Variants in TTC6 observed in about 807,000 individuals in gnomAD.
TTC6 encodes tetratricopeptide repeat domain 6, also known as tetratricopeptide repeat protein 6.
TTC6 carries 172 observed loss-of-function variants against 210.4 expected under a neutral mutation model. The ratio of observed to expected loss-of-function variants is 0.82; its 90% confidence interval spans 0.72 to 0.93. TTC6 has a LOEUF of 0.93. Ranked by LOEUF, TTC6 falls within the 40% of genes least tolerant of loss-of-function variation. TTC6 has a pLI of 0.00. For synonymous variants in TTC6, 804 were observed against 819.6 expected, an observed-to-expected ratio of 0.98 and a Z score of 0.32; for missense variants, 2,414 against 2,318.1, an observed-to-expected ratio of 1.04 and a Z score of -0.85.
intron 14 of TTC6, among the ~76,000 whole-genome samples, chr14:37,782,365 A>G (rs571266475): frequency 6.6e-6 from 1 of 152,198 alleles, no homozygotes; most frequent in African/African-American, 2.4e-5. Context: ...TTGGATTCCT[A>G]GGTATTTTAT....
At chr14:37,793,279 T>C (rs28396435) in intron 17 of TTC6, among the ~76,000 whole-genome samples, 5,838 of 152,336 alleles carry the variant, frequency 0.038, 162 homozygotes, top group Non-Finnish European at 0.057. Flanking sequence ...TAGCTTCTAA[T>C]TGCCTTTCTA....
intron 6 of TTC6, among the ~76,000 whole-genome samples, chr14:37,718,650 G>A (rs573107824): frequency 4.7e-4 from 72 of 152,270 alleles, no homozygotes; most frequent in African/African-American, 1.7e-3. Context: ...GGAATCAGCC[G>A]GGTGCAGTGG....
chr14:37,776,043 C>CTTTGTTTT, intron 14 of TTC6, among the ~76,000 whole-genome samples: 1 of 26,270 alleles, frequency 3.8e-5, no homozygotes, highest in Non-Finnish European at 8.7e-5. Flanking sequence ...GGTCTTGATT[C>CTTTGTTTT]TTTTTTTTTT....
chr14:37,835,540 G>C (rs1566982284), intron 29 of TTC6, among the ~76,000 whole-genome samples: 1 of 152,148 alleles, frequency 6.6e-6, no homozygotes, highest in Admixed American at 6.5e-5. Context: ...AGGGAAGGCA[G>C]AGGGTTTGGG....
intron 15 of TTC6, 138 bp from the exon 18 acceptor site, chr14:37,790,579 C>T: frequency 4.3e-6 from 3 of 693,364 alleles, no homozygotes; most frequent in Non-Finnish European, 4.7e-6. Context: ...CAAACAAGTA[C>T]ACTCATCATA....
intron 14 of TTC6, among the ~76,000 whole-genome samples, chr14:37,760,102 T>A (rs187227504): frequency 6.5e-4 from 99 of 152,322 alleles, no homozygotes; most frequent in African/African-American, 2.3e-3. Context: ...AATTTTCAGC[T>A]TTTTTGCACT....
intron 7 of TTC6, among the ~76,000 whole-genome samples, chr14:37,727,900 G>T (rs956201200): frequency 7.9e-5 from 12 of 152,068 alleles, no homozygotes; most frequent in African/African-American, 2.2e-4. Context: ...ATGGATATTT[G>T]CTTTGGGTTG....
chr14:37,824,720 GT>G (rs1377863109), intron 27 of TTC6, among the ~76,000 whole-genome samples: 1 of 152,098 alleles, frequency 6.6e-6, no homozygotes, highest in Non-Finnish European at 1.5e-5. Flanking sequence ...ACCTAGCTTT[GT>G]TTGAGAGGTG....
intron 7 of TTC6, among the ~76,000 whole-genome samples, chr14:37,725,875 C>T (rs1215314958): frequency 5.3e-5 from 8 of 151,522 alleles, no homozygotes; most frequent in South Asian, 2.1e-4. Context: ...TTAATAATAC[C>T]CAAATGTGGT....
chr14:37,817,800 A>C, intron 26 of TTC6, 149 bp downstream of exon 28: 2 of 737,050 alleles, frequency 2.7e-6, no homozygotes, highest in Non-Finnish European at 4.5e-6. Context: ...GGACACAAAG[A>C]GTTCCCTGTG....
chr14:37,767,366 A>G (rs1208667158), intron 14 of TTC6, among the ~76,000 whole-genome samples: 2 of 152,148 alleles, frequency 1.3e-5, no homozygotes, highest in East Asian at 3.9e-4. Flanking sequence ...ATCCCTGAGG[A>G]ATCGCCACAC....
chr14:37,808,829 A>T, exon 24 of TTC6: 1 of 1,530,758 alleles, frequency 6.5e-7, no homozygotes, highest in Non-Finnish European at 8.8e-7. Context: ...TTACACCAAG[A>T]TAAGGGAACT....
chr14:37,631,338 C>A (rs1471198200), intron 1 of TTC6, among the ~76,000 whole-genome samples: 1 of 152,126 alleles, frequency 6.6e-6, no homozygotes, highest in African/African-American at 2.4e-5. Flanking sequence ...ATTTGCTTGT[C>A]TGTAAAGGAT....
chr14:37,761,679 A>G (rs1197731764), intron 14 of TTC6, among the ~76,000 whole-genome samples: 1 of 152,096 alleles, frequency 6.6e-6, no homozygotes, highest in Non-Finnish European at 1.5e-5. Flanking sequence ...GTTGCCTCAA[A>G]TAAGTATGTG....
At chr14:37,734,688 T>G (rs989836272) in intron 7 of TTC6, among the ~76,000 whole-genome samples, 2 of 152,172 alleles carry the variant, frequency 1.3e-5, no homozygotes, top group East Asian at 3.8e-4. Context: ...AACAATATCT[T>G]TGGGGTAGAG....
In TTC6 at chr14:37,598,977, G is replaced by C. The variant is rs1299951044; in HGVS notation, c.-235+2969G>C. Among the ~76,000 whole-genome samples the C allele has an allele frequency of 6.8e-6, 1 of 146,344 alleles. No homozygotes were observed. Among genetic ancestry groups the C allele is most frequent in the African/African-American group, 2.6e-5 (1 of 38,856 alleles). On this transcript the variant is annotated intron_variant, in intron 1 of 2. Coordinates refer to the TTC6 transcript ENST00000556845. The surrounding 1 kb of genome is among the most constrained non-coding windows in gnomAD (Gnocchi z 4.9). ...AAGCTTAAGTCCTCCTTCTGCAGGG[G>C]AGAATCGGATGCAATGAAACTAAGA...
chr14:37,838,030 A>C (rs962286625), intron 29 of TTC6, among the ~76,000 whole-genome samples: 3 of 152,208 alleles, frequency 2.0e-5, no homozygotes, highest in African/African-American at 7.2e-5. Flanking sequence ...AATTCATGGA[A>C]TAGGGGGAAA....
chr14:37,750,566 C>T (rs2095948651), intron 12 of TTC6, among the ~76,000 whole-genome samples: 1 of 152,094 alleles, frequency 6.6e-6, no homozygotes, highest in Non-Finnish European at 1.5e-5. Flanking sequence ...CCTTTGAGAA[C>T]AAATTTGGCA....
chr14:37,805,444 CACACACACAA>C (rs1265623368), intron 21 of TTC6, among the ~76,000 whole-genome samples: 1 of 151,522 alleles, frequency 6.6e-6, no homozygotes, highest in Non-Finnish European at 1.5e-5. Flanking sequence ...CACACACACA[CACACACACAA>C]ACACACACAC....
Sources: gnomAD v4.1 joint callset for allele counts (sites outside exome capture counted in the v4.1 genomes callset) on GRCh38, gnomAD v4.1.1 for gene constraint, Gnocchi (gnomAD v3.1) non-coding constraint, MANE v1.5 for transcripts, NCBI Gene and HGNC (gene_info 2026-07-23, HGNC 2026-07-21) for gene names.